Variants in ADGRL2 observed in about 807,000 individuals in gnomAD.
The protein encoded by ADGRL2 is calcium-independent alpha-latrotoxin receptor 2.
In ADGRL2, 44 loss-of-function variants were observed where a neutral mutation model predicts 157.4. That is an observed-to-expected ratio of 0.28 (90% CI 0.22 to 0.36). The LOEUF is 0.36. ADGRL2 is among the 10% of genes least tolerant of loss of function. The pLI, the probability that ADGRL2 is intolerant of heterozygous loss-of-function variation, is 1.00. For missense variants in ADGRL2, 1,510 were observed against 1,768.9 expected (o/e 0.85, Z 2.63); for synonymous variants, 585 against 624.7 (o/e 0.94, Z 0.95).
chr1:81,879,396 C>A (rs2093926447), intron 2 of ADGRL2, among the ~76,000 whole-genome samples: 1 of 151,842 alleles, frequency 6.6e-6, no homozygotes, highest in South Asian at 2.1e-4. Flanking sequence ...TATCTTTGGG[C>A]AGTCACTTAG....
chr1:81,582,877 G>A lies in ADGRL2; in HGVS notation c.-143+1897G>A, dbSNP rs1356257373. Reference sequence around the variant, plus strand: ...AGCTCCTCTTAAAAGCAACAGTGGAGTGTTAGATGGGAAAATACCTTGGCA... The same window carrying A: ...AGCTCCTCTTAAAAGCAACAGTGGAATGTTAGATGGGAAAATACCTTGGCA... On this transcript the variant is annotated intron_variant, in intron 3 of 24. Transcript: ENST00000370721. Among the ~76,000 whole-genome samples, 3 of 152,102 alleles carry A rather than the reference G, an allele frequency of 2.0e-5. No homozygotes were observed. The South Asian group carries it at 6.2e-4, about 32-fold the overall frequency.
At chr1:81,879,292 A>T (rs1035563034) in intron 2 of ADGRL2, among the ~76,000 whole-genome samples, 1 of 152,102 alleles carries the variant, frequency 6.6e-6, no homozygotes, top group East Asian at 1.9e-4. Context: ...GGAAAAAAAA[A>T]ATCTCAGAAT....
intron 3 of ADGRL2, among the ~76,000 whole-genome samples, chr1:81,672,051 A>G (rs2082886132): frequency 6.6e-6 from 1 of 152,238 alleles, no homozygotes; most frequent in African/African-American, 2.4e-5. Context: ...TTTTTGTCTC[A>G]GATGATGTCC....
intron 1 of ADGRL2, among the ~76,000 whole-genome samples, chr1:81,815,311 A>C (rs932981096): frequency 2.0e-5 from 3 of 151,890 alleles, no homozygotes; most frequent in South Asian, 2.1e-4. Context: ...ATGTTCAAGG[A>C]AAAGACTTAG....
intron 2 of ADGRL2, among the ~76,000 whole-genome samples, chr1:81,839,841 G>A (rs2389188): frequency 0.66 from 60,112 of 90,808 alleles, 18,265 homozygotes; most frequent in African/African-American, 0.78. Flanking sequence ...ATATATATAT[G>A]TTTTCCATCA....
At chr1:81,906,806 G>T (rs540471511) in intron 2 of ADGRL2, among the ~76,000 whole-genome samples, 4 of 152,056 alleles carry the variant, frequency 2.6e-5, no homozygotes, top group Non-Finnish European at 5.9e-5. Flanking sequence ...ATTTGTTAGG[G>T]TATTTTGTAA....
chr1:81,539,815 T>C (rs373783667), intron 2 of ADGRL2, among the ~76,000 whole-genome samples: 26 of 143,698 alleles, frequency 1.8e-4, no homozygotes, highest in Non-Finnish European at 3.5e-4. Flanking sequence ...GGGAAAAGAT[T>C]AAAAAAAAAA....
At chr1:81,390,375 G>C (rs1206497329) in intron 1 of ADGRL2, among the ~76,000 whole-genome samples, 21 of 152,288 alleles carry the variant, frequency 1.4e-4, no homozygotes, top group Non-Finnish European at 2.8e-4. Context: ...AACTGCAAAT[G>C]GTCTGCACAA....
intron 1 of ADGRL2, chr1:81,722,039 T>G (rs2084343323): frequency 2.1e-5 from 9 of 422,710 alleles, no homozygotes; most frequent in South Asian, 1.8e-4. Flanking sequence ...ACGCCTGTTA[T>G]CGCAGCACTT....
At chr1:81,428,778 A>G (rs150314126) in intron 1 of ADGRL2, among the ~76,000 whole-genome samples, 38 of 152,234 alleles carry the variant, frequency 2.5e-4, no homozygotes, top group African/African-American at 8.2e-4. Context: ...CGAGACAACT[A>G]CATTTCTTCT....
Position 81,708,218 on chromosome 1 carries a change from AG to A in ADGRL2, c.-143+8411del, listed in dbSNP as rs201213346. On this transcript the variant is annotated intron_variant, in intron 1 of 20. Coordinates refer to the ADGRL2 transcript ENST00000359929. Reference sequence around the variant, plus strand: ...GCACGGTTGTTGGTTTATCCGTCAAAGAAATCATTACCAAGAGAATGCCGTG... The same window carrying A: ...GCACGGTTGTTGGTTTATCCGTCAAAAAATCATTACCAAGAGAATGCCGTG... Among the ~76,000 whole-genome samples, 1,216 of 152,288 alleles carry A rather than the reference AG, an allele frequency of 8.0e-3. 10 individuals carry two copies. Among genetic ancestry groups the A allele is most frequent in the Middle Eastern group, 0.02 (6 of 294 alleles).
intron 1 of ADGRL2, among the ~76,000 whole-genome samples, chr1:81,802,391 G>C (rs992337167): frequency 2.0e-5 from 3 of 151,928 alleles, no homozygotes; most frequent in Non-Finnish European, 4.4e-5. Context: ...ACCCGCGCTC[G>C]CTCGGGCTGC....
upstream of ADGRL2, among the ~76,000 whole-genome samples, chr1:81,697,775 G>A (rs1176314726): frequency 2.0e-5 from 3 of 152,152 alleles, no homozygotes; most frequent in Non-Finnish European, 4.4e-5. Context: ...AGATTTAGAT[G>A]TTTTTAGATG....
At chr1:81,474,920 C>G (rs149010547) in intron 2 of ADGRL2, among the ~76,000 whole-genome samples, 2 of 152,206 alleles carry the variant, frequency 1.3e-5, no homozygotes, top group East Asian at 3.9e-4. Context: ...AAGATCATAA[C>G]TCTGGCAAAG....
chr1:81,647,732 A>G (rs2082341334), intron 3 of ADGRL2, among the ~76,000 whole-genome samples: 1 of 152,212 alleles, frequency 6.6e-6, no homozygotes, highest in South Asian at 2.1e-4. Flanking sequence ...GACAACATCT[A>G]TTGGTGGGTA....
At chr1:81,649,186 C>G (rs2082366199) in intron 3 of ADGRL2, among the ~76,000 whole-genome samples, 1 of 152,182 alleles carries the variant, frequency 6.6e-6, no homozygotes, top group African/African-American at 2.4e-5. Context: ...CCTAAGGCCT[C>G]TACCATCCCA....
chr1:81,927,722 A>G (rs1386421596), intron 3 of ADGRL2, among the ~76,000 whole-genome samples: 2 of 152,036 alleles, frequency 1.3e-5, no homozygotes, highest in Non-Finnish European at 2.9e-5. Flanking sequence ...AGCAATAGCT[A>G]TGTGACAAAT....
At chr1:81,691,854 A>G (rs1299286090) in intron 3 of ADGRL2, among the ~76,000 whole-genome samples, 1 of 128,490 alleles carries the variant, frequency 7.8e-6, no homozygotes, top group Non-Finnish European at 1.7e-5. Context: ...AAAATGGCAT[A>G]TATATATATA....
intron 1 of ADGRL2, among the ~76,000 whole-genome samples, chr1:81,320,903 T>C (rs1195193000): frequency 6.6e-6 from 1 of 152,226 alleles, no homozygotes; most frequent in African/African-American, 2.4e-5. Context: ...GTCATCCTGT[T>C]CTCTGAAGCT....
Sources: allele counts gnomAD v4.1 joint callset (sites outside exome capture counted in the v4.1 genomes callset), GRCh38; gene constraint gnomAD v4.1.1; transcripts MANE v1.5; gene names NCBI Gene and HGNC (gene_info 2026-07-23, HGNC 2026-07-21).